The following LRRC27 variants were observed in gnomAD, a reference collection of about 807,000 sequenced individuals.
LRRC27 encodes leucine-rich repeat-containing protein 27.
Under a neutral mutation model 55.0 loss-of-function variants are expected in LRRC27, and 57 were observed. The observed-to-expected ratio is 1.04, with a 90% CI of 0.84 to 1.29. LRRC27 has a LOEUF of 1.29. Among genes scored for constraint, LRRC27 ranks in the 50% most tolerant of loss-of-function variants. LRRC27 has a pLI of 0.00. For synonymous variants in LRRC27, 278 were observed against 251.9 expected (o/e 1.10, Z -0.98); for missense variants, 721 against 651.5 (o/e 1.11, Z -1.16).
chr10:132,331,663 T>A (rs775905855), upstream of LRRC27: 1 of 1,612,806 alleles, frequency 6.2e-7, no homozygotes, highest in East Asian at 2.2e-5. Context: ...CAGCAGCAAT[T>A]CTTTTCTGCT....
chr10:132,332,827 A>G (rs948227736), intron 1 of LRRC27, among the ~76,000 whole-genome samples: 1 of 152,048 alleles, frequency 6.6e-6, no homozygotes, highest in African/African-American at 2.4e-5. Flanking sequence ...AGGTGAACTG[A>G]TGCATTCCAA....
intron 7 of LRRC27, among the ~76,000 whole-genome samples, chr10:132,354,910 A>G (rs1166635466): frequency 6.6e-6 from 1 of 152,134 alleles, no homozygotes; most frequent in African/African-American, 2.4e-5. Flanking sequence ...GGCCTGAGCA[A>G]GGGCTCTTGG....
intron 4 of LRRC27, among the ~76,000 whole-genome samples, chr10:132,343,317 A>T (rs994387844): frequency 1.3e-5 from 2 of 152,188 alleles, no homozygotes; most frequent in Non-Finnish European, 2.9e-5. Flanking sequence ...CCTCTCTCTA[A>T]AAACAAAACA....
intron 9 of LRRC27, among the ~76,000 whole-genome samples, chr10:132,362,088 A>G (rs969349593): frequency 1.1e-4 from 16 of 152,168 alleles, no homozygotes; most frequent in Non-Finnish European, 8.8e-5. Context: ...ACCCAGGTGA[A>G]GGGGACTCAG....
rs745378262 is a variant in LRRC27 at position 132,344,476 on chromosome 10, GT to G, written c.401-13del. ...AAGAATGGTATATAGAATGCTGACA[GT>G]TTTTTTTTCCTCCACTGCAGGGAGC... On this transcript the variant is annotated intron_variant, in intron 4 of 10. Coordinates refer to ENST00000368614, the MANE Select transcript of LRRC27 (RefSeq NM_030626.3). 3.5e-5 allele frequency: 55 copies of G among 1,570,276 alleles called. No homozygotes were observed. In the Middle Eastern group the frequency reaches 1.3e-3, roughly 38 times the overall value.
At position 132,364,537 on chromosome 10, in the gene LRRC27, A is replaced by AC. The variant is rs1165798346; in HGVS notation, c.1290-887_1290-886insC. On this transcript the variant is annotated intron_variant, in intron 9 of 10. Coordinates refer to ENST00000368614, the MANE Select transcript of LRRC27 (RefSeq NM_030626.3). The stretch of plus-strand genomic sequence containing the variant: ...CACACTCGCACTTACACCCACACTT[A>AC]AATCTACCTCCACACCCACACTTAC... 4.7e-4 allele frequency among the ~76,000 whole-genome samples: 30 copies of AC among 63,346 alleles called. 4 individuals carry two copies. The highest frequency in any genetic ancestry group is 5.5e-4 in the Admixed American group (3 of 5,450). The allele number at this position is 63,346 out of a possible 152,430, so 41.6% of individuals were successfully genotyped here. A position where few individuals can be genotyped will look rare whatever the true frequency, so the allele number is the denominator to read the frequency against.
Position 132,364,320 on chromosome 10 carries a change from C to T in LRRC27, c.1290-1104C>T, listed in dbSNP as rs968478461. ...ACCCACGCCCGCACCAACACCCACA[C>T]CACACCCATGACCACACCCACACTT... is the stretch of plus-strand genomic sequence containing the variant. On this transcript the variant is annotated intron_variant, in intron 9 of 10. Transcript: ENST00000368614. 3.3e-4 allele frequency among the ~76,000 whole-genome samples: 31 copies of T among 94,392 alleles called. No homozygotes were observed. The South Asian group carries it at 8.9e-3, about 27-fold the overall frequency. 61.9% of individuals were successfully genotyped at this position (94,392 alleles called of 152,430 possible). A position where few individuals can be genotyped will look rare whatever the true frequency, so the allele number is the denominator to read the frequency against.
intron 5 of LRRC27, among the ~76,000 whole-genome samples, chr10:132,345,593 T>A (rs2138710970): frequency 6.6e-6 from 1 of 152,300 alleles, no homozygotes; most frequent in East Asian, 1.9e-4. Context: ...GCCAGGATGT[T>A]GTGATAAAAA....
chr10:132,355,891 G>C lies in LRRC27; in HGVS notation c.1170+5G>C. Reference sequence around the variant, plus strand: ...CTGCCTCCGCGGAGGAGCATGGTACGGCACGCGCGGGCGGTGACCGGGCAC... The same window carrying C: ...CTGCCTCCGCGGAGGAGCATGGTACCGCACGCGCGGGCGGTGACCGGGCAC... On this transcript the variant is annotated splice_donor_5th_base_variant and intron_variant, in intron 8 of 10. Coordinates refer to ENST00000368614, the MANE Select transcript of LRRC27 (RefSeq NM_030626.3). 6.5e-7 allele frequency: 1 copy of C among 1,547,938 alleles called. No homozygotes were observed. The highest frequency in any genetic ancestry group is 8.7e-7 in the Non-Finnish European group (1 of 1,144,016).
In LRRC27 at chr10:132,370,271, C is replaced by T. The variant is rs140658756; in HGVS notation, c.1416+4721C>T. 7.0e-3 allele frequency among the ~76,000 whole-genome samples: 1,067 copies of T among 152,320 alleles called. 9 individuals carry two copies. Among genetic ancestry groups the T allele is most frequent in the Non-Finnish European group, 0.012 (795 of 68,028 alleles). On this transcript the variant is annotated intron_variant, in intron 10 of 10. Coordinates refer to ENST00000368614, the MANE Select transcript of LRRC27 (RefSeq NM_030626.3). ...GATGAAGGGTTCACGTCACCAGCAC[C>T]GGCTCCTGTCGTGTGCCCAACTCCA...
chr10:132,339,752 A>G (rs2067312925), intron 3 of LRRC27, among the ~76,000 whole-genome samples: 2 of 152,232 alleles, frequency 1.3e-5, no homozygotes, highest in African/African-American at 2.4e-5. Flanking sequence ...AGCCTTACAC[A>G]GTTCTGGAGA....
rs764487663 is a variant in LRRC27 at position 132,375,368 on chromosome 10, G to A, written c.*126G>A. The stretch of plus-strand genomic sequence containing the variant: ...CAGTGTTACCCTGAGGGCTGATTTC[G>A]CGCAGCCTGTTGTTTTCCTTAGACA... On this transcript the variant is annotated 3_prime_UTR_variant, in exon 11 of 11. Transcript: ENST00000368614. 143 of 818,744 alleles carry A rather than the reference G, an allele frequency of 1.7e-4. No homozygotes were observed. The African/African-American group carries it at 2.0e-3, about 11-fold the overall frequency. The allele number at this position is 818,744 out of a possible 1,614,324, so 50.7% of individuals were successfully genotyped here. A position where few individuals can be genotyped will look rare whatever the true frequency, so the allele number is the denominator to read the frequency against.
At chr10:132,360,680 T>G (rs915950210) in intron 8 of LRRC27, among the ~76,000 whole-genome samples, 3 of 152,316 alleles carry the variant, frequency 2.0e-5, no homozygotes, top group Middle Eastern at 3.4e-3. Flanking sequence ...GGCCTGGAAA[T>G]ACATTTGGAG....
chr10:132,351,304 C>T (rs2132938351), intron 6 of LRRC27: 1 of 323,958 alleles, frequency 3.1e-6, no homozygotes, highest in Non-Finnish European at 5.9e-6. Flanking sequence ...AGGTCGGGTG[C>T]AGCTGCCGAG....
At chr10:132,371,091 T>A (rs1301029691) in intron 10 of LRRC27, among the ~76,000 whole-genome samples, 1 of 152,258 alleles carries the variant, frequency 6.6e-6, no homozygotes, top group Non-Finnish European at 1.5e-5. Context: ...AAGTTCACAC[T>A]GCACCTCTAG....
intron 10 of LRRC27, 41 bp downstream of exon 10, chr10:132,365,591 T>TTTTTG: frequency 1.2e-6 from 2 of 1,600,514 alleles, no homozygotes; most frequent in Non-Finnish European, 8.5e-7. Context: ...TGTGGGGTGT[T>TTTTTG]TTTTGTTTTG....
intron 10 of LRRC27, among the ~76,000 whole-genome samples, chr10:132,373,945 C>T (rs963532768): frequency 1.3e-5 from 2 of 152,184 alleles, no homozygotes; most frequent in Non-Finnish European, 2.9e-5. Flanking sequence ...AAGCAAAATT[C>T]GTTATCAATG....
chr10:132,362,032 C>T (rs1475654952), intron 9 of LRRC27, among the ~76,000 whole-genome samples: 2 of 152,214 alleles, frequency 1.3e-5, no homozygotes, highest in African/African-American at 4.8e-5. Flanking sequence ...GCCGCTCAGC[C>T]CTTCCCCTCA....
At chr10:132,349,001 A>G (rs778225771) in intron 6 of LRRC27, 25 of 1,611,476 alleles carry the variant, frequency 1.6e-5, no homozygotes, top group East Asian at 4.5e-5. Flanking sequence ...CAGAGACTAC[A>G]TGAGAGAAAA....
Sources: allele counts gnomAD v4.1 joint callset (sites outside exome capture counted in the v4.1 genomes callset), GRCh38; gene constraint gnomAD v4.1.1; transcripts MANE v1.5; gene names NCBI Gene and HGNC (gene_info 2026-07-23, HGNC 2026-07-21).